RARG: variants seen among roughly 807,000 people sequenced by gnomAD.
RARG encodes RAR-gamma.
In RARG, 17 loss-of-function variants were observed where a neutral mutation model predicts 43.7. That is an observed-to-expected ratio of 0.39 (90% CI 0.27 to 0.58). RARG has a LOEUF of 0.58. Among genes scored for constraint, RARG ranks in the 20% least tolerant of loss-of-function variants. The pLI, the probability that RARG is intolerant of heterozygous loss-of-function variation, is 0.57. For missense variants in RARG, 346 were observed against 598.7 expected, an observed-to-expected ratio of 0.58 and a Z score of 4.40; for synonymous variants, 238 against 236.4, an observed-to-expected ratio of 1.01 and a Z score of -0.06.
At chr12:53,228,869 G>A (rs1262173289) in intron 2 of RARG, among the ~76,000 whole-genome samples, 2 of 152,032 alleles carry the variant, frequency 1.3e-5, no homozygotes, top group Non-Finnish European at 2.9e-5. Context: ...CGACACGCCC[G>A]GGCATTCTGC....
In RARG at chr12:53,220,277, G is replaced by A. The variant is rs923140799; in HGVS notation, c.185-4483C>T. On this transcript the variant is annotated intron_variant, in intron 3 of 9. Transcript: ENST00000425354. ...GGGAAGAGGGGGGATCCCCAGCAGG[G>A]GAAAGGGACTGGGCGGGGCGCGAAG... 4 of 1,345,602 alleles carry A rather than the reference G, an allele frequency of 3.0e-6. No homozygotes were observed. In the African/African-American group the frequency reaches 6.0e-5, roughly 20 times the overall value. 83.4% of individuals were successfully genotyped at this position (1,345,602 alleles called of 1,614,324 possible).
chr12:53,216,643 A>G lies in RARG; in HGVS notation c.185-849T>C, dbSNP rs111299045. ...GTCTGGAAGCCGTTGGAGGTGTAGC[A>G]AACTGGAGAAGTCAGGTGACAGTAG... On this transcript the variant is annotated intron_variant, in intron 3 of 9. Transcript: ENST00000425354. Among the ~76,000 whole-genome samples, 377 of 152,244 alleles carry G rather than the reference A, an allele frequency of 2.5e-3. 2 individuals carry two copies. The East Asian group carries it at 0.032, about 13-fold the overall frequency.
At chr12:53,231,763 C>T (rs1280051870) in intron 1 of RARG, among the ~76,000 whole-genome samples, 1 of 152,274 alleles carries the variant, frequency 6.6e-6, no homozygotes, top group Non-Finnish European at 1.5e-5. Flanking sequence ...TGACCCAGCC[C>T]ATCCTCAGCC....
Position 53,215,202 on chromosome 12 carries a change from G to T in RARG, c.475+91C>A. 6.6e-7 allele frequency: 1 copy of T among 1,521,054 alleles called. No homozygotes were observed. The highest frequency in any genetic ancestry group is 8.9e-7 in the Non-Finnish European group (1 of 1,118,650). The allele number at this position is 1,521,054 out of a possible 1,614,324, so 94.2% of individuals were successfully genotyped here. A position where few individuals can be genotyped will look rare whatever the true frequency, so the allele number is the denominator to read the frequency against. On this transcript the variant is annotated intron_variant, in intron 5 of 9. Coordinates refer to ENST00000425354, the MANE Select transcript of RARG (RefSeq NM_000966.6). This position sits in a 1 kb window ranked among gnomAD's most constrained non-coding sequence, Gnocchi z 6.4. ...CCCCAGGGCAGGCCAAGTCTCAGAG[G>T]TCAGGGAAGTGGGAGTGGCCAGAGG... is the stretch of plus-strand genomic sequence containing the variant.
intron 3 of RARG, among the ~76,000 whole-genome samples, chr12:53,220,712 A>G (rs1230171914): frequency 6.6e-6 from 1 of 152,140 alleles, no homozygotes; most frequent in Non-Finnish European, 1.5e-5. Flanking sequence ...GCGCGTGCCC[A>G]GGTCGGGGTT....
At chr12:53,214,700 C>A in intron 5 of RARG, 94 bp from the exon 6 acceptor site, 2 of 1,253,196 alleles carry the variant, frequency 1.6e-6, no homozygotes, top group South Asian at 3.1e-5. Context: ...CAGTCCTTAT[C>A]ATGAATATCT....
intron 3 of RARG, among the ~76,000 whole-genome samples, chr12:53,224,854 T>C (rs1389642532): frequency 6.6e-6 from 1 of 152,170 alleles, no homozygotes; most frequent in Non-Finnish European, 1.5e-5. Flanking sequence ...CCTTCGAAGA[T>C]GGAGCCCGGC....
rs1942741977 is a variant in RARG at position 53,215,740 on chromosome 12, G to A, written c.239C>T (p.Pro80Leu). Residue 80 changes from proline (P) to leucine (L), a missense_variant, in exon 4 of 10, where the codon CCC becomes CTC. Pro to Leu is a moderately conservative substitution (Grantham distance 98, BLOSUM62 -3). Coordinates refer to ENST00000425354, the MANE Select transcript of RARG (RefSeq NM_000966.6). This position sits in a 1 kb window ranked among gnomAD's most constrained non-coding sequence, Gnocchi z 6.4. ...SEEMVPSSPSPPPPPRVYKPC... is the reference protein window; with the variant it reads ...SEEMVPSSPSLPPPPRVYKPC... ...CTTGTAGACCCGAGGAGGCGGAGGG[G>A]GCGAGGGCGAGCTGGGCACCATCTC... 1.2e-6 allele frequency: 2 copies of A among 1,613,468 alleles called. No homozygotes were observed. The highest frequency in any genetic ancestry group is 1.7e-6 in the Non-Finnish European group (2 of 1,179,922).
At chr12:53,216,545 C>G (rs1393412099) in intron 3 of RARG, among the ~76,000 whole-genome samples, 1 of 152,122 alleles carries the variant, frequency 6.6e-6, no homozygotes, top group African/African-American at 2.4e-5. Flanking sequence ...TGCCACACCA[C>G]CAGCAGATCC....
intron 2 of RARG, among the ~76,000 whole-genome samples, chr12:53,230,836 CGTGTGTGTGTGTGTGTGTGT>C (rs59367849): frequency 2.9e-4 from 35 of 119,930 alleles, no homozygotes; most frequent in African/African-American, 1.0e-3. Flanking sequence ...GGCCACAGTG[CGTGTGTGTGTGTGTGTGTGT>C]GTGTGTGTGT....
chr12:53,220,916 G>A (rs1942939432), intron 3 of RARG, among the ~76,000 whole-genome samples: 1 of 152,038 alleles, frequency 6.6e-6, no homozygotes, highest in Non-Finnish European at 1.5e-5. Context: ...CTCATTCCCA[G>A]GCCTGGCTCC....
At chr12:53,220,198 G>A (rs1200316366) in intron 3 of RARG, 15 of 1,548,114 alleles carry the variant, frequency 9.7e-6, no homozygotes, top group East Asian at 2.4e-5. Flanking sequence ...CAGCAGGGGG[G>A]GAGGGGGAGG....
Position 53,227,847 on chromosome 12 carries a change from G to A in RARG, c.-142-160C>T, listed in dbSNP as rs972182887. 6.6e-6 allele frequency among the ~76,000 whole-genome samples: 1 copy of A among 152,180 alleles called. No individual in the cohort carries two copies. Among genetic ancestry groups the A allele is most frequent in the African/African-American group, 2.4e-5 (1 of 41,452 alleles). On this transcript the variant is annotated intron_variant, in intron 2 of 9. Coordinates refer to ENST00000425354, the MANE Select transcript of RARG (RefSeq NM_000966.6). This position sits in a 1 kb window ranked among gnomAD's most constrained non-coding sequence, Gnocchi z 4.3. ...CAGTGTGGTAGAGAGGGCACGGCAG[G>A]GGGTTATGCAGGCTCTGAGAAACTC...
In RARG at chr12:53,214,553, G is replaced by T. The variant is rs1012665089; in HGVS notation, c.529C>A (p.Pro177Thr). 4 of 1,612,350 alleles carry T rather than the reference G, an allele frequency of 2.5e-6. No homozygotes were observed. The highest frequency in any genetic ancestry group is 3.4e-6 in the Non-Finnish European group (4 of 1,178,458). The change falls in exon 6 of 10, where the codon CCT becomes ACT. Residue 177 changes from proline to threonine, a missense_variant. Pro to Thr is a conservative substitution (Grantham distance 38). This residue lies in a region of RARG where 67 missense variants were observed against 79.6 expected (regional missense o/e 0.84). Transcript: ENST00000425354. ...TGAGGGCTCAGCTCATAGCTGTCAGGTGACCCTTCTTCCTTCACCTCTTTC... is the reference window on the plus strand; with the variant it reads ...TGAGGGCTCAGCTCATAGCTGTCAGTTGACCCTTCTTCCTTCACCTCTTTC... ...KKKEVKEEGSPDSYELSPQLE... is the reference protein window; with the variant it reads ...KKKEVKEEGSTDSYELSPQLE...
Position 53,213,760 on chromosome 12 carries a change from A to T in RARG, c.814-60T>A. 1 of 1,489,956 alleles carries T rather than the reference A, an allele frequency of 6.7e-7. No homozygotes were observed. Among genetic ancestry groups the T allele is most frequent in the Non-Finnish European group, 9.3e-7 (1 of 1,077,944 alleles). 92.3% of individuals were successfully genotyped at this position (1,489,956 alleles called of 1,614,324 possible). A position where few individuals can be genotyped will look rare whatever the true frequency, so the allele number is the denominator to read the frequency against. On this transcript the variant is annotated intron_variant, in intron 7 of 9. Transcript: ENST00000425354. The surrounding 1 kb of genome is among the most constrained non-coding windows in gnomAD (Gnocchi z 4.7). ...TTCTGGGGGATGGGGAAAAGAGGGA[A>T]TGAGTGGAAAGTGAGGAGGTTAGGT...
chr12:53,214,518 C>A lies in RARG; in HGVS notation c.564G>T (p.Glu188Asp), dbSNP rs767936326. 6.2e-7 allele frequency: 1 copy of A among 1,613,948 alleles called. No homozygotes were observed. Among genetic ancestry groups the A allele is most frequent in the South Asian group, 1.1e-5 (1 of 91,084 alleles). Reference sequence around the variant, plus strand: ...GGGCTTTGCTGACCTTGGTGATGAGCTCTTCTAACTGAGGGCTCAGCTCAT... The same window carrying A: ...GGGCTTTGCTGACCTTGGTGATGAGATCTTCTAACTGAGGGCTCAGCTCAT... ...DSYELSPQLE[E>D]LITKVSKAHQ... Residue 188 changes from glutamate (E) to aspartate (D), a missense_variant, in exon 6 of 10, where the codon GAG becomes GAT. Glu to Asp is a conservative substitution (Grantham distance 45). Transcript: ENST00000425354.
rs1433542137 is a variant in RARG at position 53,222,978 on chromosome 12, T to C, written c.184+4384A>G. On this transcript the variant is annotated intron_variant, in intron 3 of 9. Transcript: ENST00000425354. ...CACCAGGGCATACCCCCCTCCCAGC[T>C]AGAGCCCCACAAAGGCATAGCCCTA... is the stretch of plus-strand genomic sequence containing the variant. Among the ~76,000 whole-genome samples, 3 of 151,970 alleles carry C rather than the reference T, an allele frequency of 2.0e-5. No homozygotes were observed. In the East Asian group the frequency reaches 5.8e-4, roughly 29 times the overall value.
chr12:53,227,411 G>C lies in RARG; in HGVS notation c.135C>G (p.Ser45Arg). Residue 45 changes from serine (S) to arginine (R), a missense_variant, in exon 3 of 10, where the codon AGC becomes AGG. Around this residue, in one of 8 missense-constraint regions of RARG, gnomAD observed 90 missense variants for 93.2 expected, o/e 0.97. Transcript: ENST00000425354. The surrounding 1 kb of genome is among the most constrained non-coding windows in gnomAD (Gnocchi z 4.3). ...GGTCAGGCTGGCCCAGGCCCCGGAA[G>C]CTAGGGCTCAGCATCTCGAAAGGCG... ...GSPPFEMLSP[S>R]FRGLGQPDLP... 1 of 1,604,562 alleles carries C rather than the reference G, an allele frequency of 6.2e-7. No homozygotes were observed. Among genetic ancestry groups the C allele is most frequent in the East Asian group, 2.3e-5 (1 of 43,772 alleles).
At chr12:53,224,134 C>T (rs957486070) in intron 3 of RARG, among the ~76,000 whole-genome samples, 8 of 152,134 alleles carry the variant, frequency 5.3e-5, no homozygotes, top group Admixed American at 3.3e-4. Flanking sequence ...CACACGTACA[C>T]ACACCCCTCT....
Sources: allele counts gnomAD v4.1 joint callset (sites outside exome capture counted in the v4.1 genomes callset), GRCh38; gene constraint gnomAD v4.1.1; regional missense constraint gnomAD v4.1.1; non-coding constraint Gnocchi (gnomAD v3.1); transcripts MANE v1.5; gene names NCBI Gene and HGNC (gene_info 2026-07-23, HGNC 2026-07-21).